Variants in CCDC192 observed in about 807,000 individuals in gnomAD.
CCDC192 encodes coiled-coil domain containing 192.
At chr5:127,753,604 C>T (rs1580599628) in intron 2 of CCDC192, among the ~76,000 whole-genome samples, 2 of 151,588 alleles carry the variant, frequency 1.3e-5, no homozygotes, top group South Asian at 4.1e-4. Context: ...AGGAGAATCG[C>T]TTGAACCCAG....
At chr5:127,838,877 G>T (rs1750151678) in intron 5 of CCDC192, among the ~76,000 whole-genome samples, 1 of 152,236 alleles carries the variant, frequency 6.6e-6, no homozygotes, top group Admixed American at 6.5e-5. Flanking sequence ...AGGCAGCAAA[G>T]ACTGTCGCTG....
chr5:127,749,739 G>A (rs1754018019), intron 2 of CCDC192, among the ~76,000 whole-genome samples: 1 of 152,144 alleles, frequency 6.6e-6, no homozygotes, highest in Admixed American at 6.5e-5. Flanking sequence ...AATCCATCTG[G>A]TCCTGGACTC....
chr5:127,830,060 T>G (rs1749714739), intron 5 of CCDC192, among the ~76,000 whole-genome samples: 1 of 152,220 alleles, frequency 6.6e-6, no homozygotes, highest in African/African-American at 2.4e-5. Context: ...AGAACTGTTT[T>G]TAAAACAGTC....
intron 1 of CCDC192, among the ~76,000 whole-genome samples, chr5:127,704,667 C>T (rs1723107754): frequency 6.6e-6 from 1 of 151,978 alleles, no homozygotes. Context: ...ATTAAATAAT[C>T]TATGGGAGGG....
At chr5:127,761,534 A>G (rs1306786912) in intron 3 of CCDC192, among the ~76,000 whole-genome samples, 1 of 151,996 alleles carries the variant, frequency 6.6e-6, no homozygotes, top group African/African-American at 2.4e-5. Context: ...CTCTATGTGC[A>G]TGTGTATGTT....
At position 127,822,277 on chromosome 5, in the gene CCDC192, A is replaced by G. The variant is rs140314647; in HGVS notation, c.411+24115A>G. On this transcript the variant is annotated intron_variant, in intron 5 of 6. Transcript: ENST00000514853. ...CTGAAGAAAGCCTTTTCTATTTCTC[A>G]TCCCTTTTGGGGTTCAATCTGCCCA... is the stretch of plus-strand genomic sequence containing the variant. 3.2e-3 allele frequency among the ~76,000 whole-genome samples: 486 copies of G among 152,306 alleles called. 3 individuals carry two copies. Among genetic ancestry groups the G allele is most frequent in the Non-Finnish European group, 5.6e-3 (379 of 68,014 alleles).
chr5:127,919,440 C>G (rs1561551928), intron 6 of CCDC192, among the ~76,000 whole-genome samples: 2 of 145,676 alleles, frequency 1.4e-5, no homozygotes, highest in Non-Finnish European at 3.0e-5. Flanking sequence ...AAAAAACTTC[C>G]AGAACCCATC....
At chr5:127,867,436 C>T (rs1186171742) in intron 5 of CCDC192, among the ~76,000 whole-genome samples, 5 of 152,200 alleles carry the variant, frequency 3.3e-5, no homozygotes, top group South Asian at 2.1e-4. Context: ...CTTGTAAATT[C>T]GATCCTCTCT....
intron 6 of CCDC192, among the ~76,000 whole-genome samples, chr5:127,918,014 A>G (rs968023754): frequency 2.0e-5 from 3 of 152,064 alleles, no homozygotes; most frequent in Non-Finnish European, 2.9e-5. Context: ...AGGCACCTGT[A>G]GTCCCAGCTA....
At chr5:127,844,004 T>C (rs1750418391) in intron 5 of CCDC192, among the ~76,000 whole-genome samples, 1 of 152,242 alleles carries the variant, frequency 6.6e-6, no homozygotes, top group Admixed American at 6.5e-5. Flanking sequence ...ATGGACCAGC[T>C]ATTTTTATAG....
intron 3 of CCDC192, among the ~76,000 whole-genome samples, chr5:127,787,548 G>A (rs1756618088): frequency 1.3e-5 from 2 of 152,052 alleles, no homozygotes; most frequent in South Asian, 2.1e-4. Context: ...TTTTCCTTCT[G>A]TTATTGATTT....
chr5:127,823,249 G>A (rs1475953733), intron 5 of CCDC192, among the ~76,000 whole-genome samples: 4 of 152,186 alleles, frequency 2.6e-5, no homozygotes, highest in African/African-American at 9.7e-5. Context: ...TTTCAAATCT[G>A]TGGGTACAGG....
chr5:127,753,430 G>T (rs1754360948), intron 2 of CCDC192, among the ~76,000 whole-genome samples: 1 of 152,128 alleles, frequency 6.6e-6, no homozygotes, highest in Non-Finnish European at 1.5e-5. Context: ...AGGCGCAGTG[G>T]CTCACACCTG....
intron 2 of CCDC192, among the ~76,000 whole-genome samples, chr5:127,742,933 AAT>A (rs1156563257): frequency 6.6e-6 from 1 of 152,124 alleles, no homozygotes; most frequent in Non-Finnish European, 1.5e-5. Context: ...GGGAACCACT[AAT>A]ATAATTAAAC....
chr5:127,797,739 A>G (rs1302903048), intron 4 of CCDC192, among the ~76,000 whole-genome samples: 4 of 5,978 alleles, frequency 6.7e-4, no homozygotes, highest in Non-Finnish European at 9.4e-4. Context: ...AGGTATATAT[A>G]TATATATATA....
intron 5 of CCDC192, among the ~76,000 whole-genome samples, chr5:127,808,237 C>T (rs1260300478): frequency 6.6e-6 from 1 of 151,934 alleles, no homozygotes; most frequent in Admixed American, 6.6e-5. Context: ...GTGAACCTTC[C>T]CTCTTGCCCC....
At chr5:127,739,215 G>T (rs1279100595) in intron 2 of CCDC192, among the ~76,000 whole-genome samples, 1 of 152,100 alleles carries the variant, frequency 6.6e-6, no homozygotes, top group African/African-American at 2.4e-5. Context: ...TGCCCCTGCT[G>T]GGGGGTGCCT....
chr5:127,717,928 C>CAAAAAAAAAAAAAAAAAAA, intron 2 of CCDC192, among the ~76,000 whole-genome samples: 3 of 98,052 alleles, frequency 3.1e-5, no homozygotes, highest in Non-Finnish European at 6.1e-5. Flanking sequence ...TAAAGCTAGA[C>CAAAAAAAAAAAAAAAAAAA]AAAAAAAAAA....
chr5:127,930,298 T>A (rs1289851651), intron 6 of CCDC192, among the ~76,000 whole-genome samples: 1 of 152,236 alleles, frequency 6.6e-6, no homozygotes, highest in African/African-American at 2.4e-5. Flanking sequence ...TACCTTCAAT[T>A]GACTTTGAGT....
Sources: allele counts gnomAD v4.1 joint callset (sites outside exome capture counted in the v4.1 genomes callset), GRCh38; gene constraint gnomAD v4.1.1; transcripts MANE v1.5; gene names NCBI Gene and HGNC (gene_info 2026-07-23, HGNC 2026-07-21).